Variants in CHN1 observed in about 807,000 individuals in gnomAD.
The protein encoded by CHN1 is N-chimaerin.
CHN1 carries 37 observed loss-of-function variants against 59.5 expected under a neutral mutation model. That is an observed-to-expected ratio of 0.62 (90% CI 0.48 to 0.82). The LOEUF is 0.82. Ranked by LOEUF, CHN1 falls within the 40% of genes least tolerant of loss-of-function variation. The pLI is 0.00. For synonymous variants in CHN1, 206 were observed against 200.4 expected (o/e 1.03, Z -0.24); for missense variants, 469 against 571.0 (o/e 0.82, Z 1.82).
intron 7 of CHN1, among the ~76,000 whole-genome samples, chr2:174,840,161 CTT>C (rs71407154): frequency 0.051 from 3,412 of 67,120 alleles, 54 homozygotes; most frequent in African/African-American, 0.19. Flanking sequence ...TAAAACCATT[CTT>C]TTTTTTTTTT....
At chr2:174,812,084 T>A (rs1558933486) in intron 9 of CHN1, 1 of 386,040 alleles carries the variant, frequency 2.6e-6, no homozygotes, top group Non-Finnish European at 4.6e-6. Context: ...ATAAATATAT[T>A]TTTATACAAG....
At chr2:174,862,573 C>T (rs560525843) in intron 6 of CHN1, among the ~76,000 whole-genome samples, 8 of 152,274 alleles carry the variant, frequency 5.3e-5, no homozygotes, top group African/African-American at 1.9e-4. Context: ...CCTCGTGATC[C>T]ACCTGCCTCG....
chr2:174,804,625 A>G (rs1684829928), intron 11 of CHN1, among the ~76,000 whole-genome samples: 1 of 152,196 alleles, frequency 6.6e-6, no homozygotes, highest in African/African-American at 2.4e-5. Context: ...GATTCTGGGT[A>G]TATTTTGAAG....
chr2:174,962,288 A>T (rs1364601643), intron 1 of CHN1, among the ~76,000 whole-genome samples: 1 of 151,596 alleles, frequency 6.6e-6, no homozygotes, highest in African/African-American at 2.4e-5. Context: ...CTGTCTCAAA[A>T]ACAAACAAAC....
At chr2:174,986,687 T>A (rs1691353406) in intron 1 of CHN1, among the ~76,000 whole-genome samples, 2 of 152,218 alleles carry the variant, frequency 1.3e-5, no homozygotes, top group Non-Finnish European at 2.9e-5. Flanking sequence ...GATGAAGACA[T>A]TTACAACGAT....
intron 2 of CHN1, among the ~76,000 whole-genome samples, chr2:174,950,240 CCTAT>C (rs1227301398): frequency 6.6e-6 from 1 of 151,832 alleles, no homozygotes; most frequent in Non-Finnish European, 1.5e-5. Flanking sequence ...AAAGCAATAG[CCTAT>C]CTCTCTCTTT....
At chr2:174,918,031 T>C (rs1260728228) in intron 4 of CHN1, among the ~76,000 whole-genome samples, 1 of 152,056 alleles carries the variant, frequency 6.6e-6, no homozygotes, top group Non-Finnish European at 1.5e-5. Flanking sequence ...TTCAAATCCA[T>C]TAGGAAAACA....
At chr2:174,848,371 C>CTT in intron 6 of CHN1, among the ~76,000 whole-genome samples, 1 of 148,228 alleles carries the variant, frequency 6.7e-6, no homozygotes. Flanking sequence ...AGGTGAGAGA[C>CTT]TTAGCACAAC....
chr2:174,936,744 G>A (rs545122063), intron 3 of CHN1, among the ~76,000 whole-genome samples: 12 of 152,168 alleles, frequency 7.9e-5, no homozygotes, highest in Admixed American at 5.2e-4. Flanking sequence ...GGGTAATTCT[G>A]ACTATATAAG....
intron 5 of CHN1, among the ~76,000 whole-genome samples, chr2:174,892,335 G>T (rs1688078422): frequency 6.6e-6 from 1 of 152,170 alleles, no homozygotes; most frequent in African/African-American, 2.4e-5. Flanking sequence ...TTTGTAAATG[G>T]AATTAAAGCC....
rs562952530 is a variant in CHN1 at position 174,988,219 on chromosome 2, T to A, written c.19+16675A>T. Among the ~76,000 whole-genome samples, 242 of 151,592 alleles carry A rather than the reference T, an allele frequency of 1.6e-3. 1 individual carries two copies. Among genetic ancestry groups the A allele is most frequent in the Non-Finnish European group, 2.8e-3 (187 of 67,810 alleles). On this transcript the variant is annotated intron_variant, in intron 1 of 12. Transcript: ENST00000409900. ...TAAAAATACAAAAATTAGCCGGGCA[T>A]GGTGGTGCGCGCCTGTAGTCCCAGC... is the stretch of plus-strand genomic sequence containing the variant.
chr2:174,905,851 C>T (rs1688528889), intron 5 of CHN1, among the ~76,000 whole-genome samples: 1 of 152,094 alleles, frequency 6.6e-6, no homozygotes, highest in Non-Finnish European at 1.5e-5. Context: ...AGCCACCGCG[C>T]CCAGCCAGAT....
chr2:174,874,956 C>CTGCTCATAGCACGACTTCTGCTCAT (rs1687522056), intron 6 of CHN1, among the ~76,000 whole-genome samples: 1 of 150,270 alleles, frequency 6.7e-6, no homozygotes, highest in Non-Finnish European at 1.5e-5. Flanking sequence ...TCATTGCAAC[C>CTGCTCATAGCACGACTTCTGCTCAT]TCCGCCTCCT....
intron 5 of CHN1, among the ~76,000 whole-genome samples, chr2:174,878,492 T>C: frequency 6.6e-6 from 1 of 152,200 alleles, no homozygotes; most frequent in East Asian, 1.9e-4. Flanking sequence ...ATAGATGACA[T>C]TTCTATACTA....
chr2:174,925,085 TAAAC>T (rs780617346), intron 3 of CHN1, among the ~76,000 whole-genome samples: 81 of 152,120 alleles, frequency 5.3e-4, no homozygotes, highest in South Asian at 6.2e-4. Context: ...TTTTACCACA[TAAAC>T]AAACAAACAA....
intron 5 of CHN1, among the ~76,000 whole-genome samples, chr2:174,879,528 C>T (rs1687671134): frequency 6.6e-6 from 1 of 152,274 alleles, no homozygotes; most frequent in African/African-American, 2.4e-5. Flanking sequence ...AGACACATTT[C>T]TCCCAAGTAT....
chr2:174,966,650 T>C (rs1690602142), intron 1 of CHN1, among the ~76,000 whole-genome samples: 1 of 152,222 alleles, frequency 6.6e-6, no homozygotes, highest in African/African-American at 2.4e-5. Context: ...AACAAAAAGC[T>C]ATACACAGGA....
rs148457518 is a variant in CHN1, at chr2:174,843,729, T to C, written c.627+3151A>G. Among the ~76,000 whole-genome samples, 81 of 152,076 alleles carry C rather than the reference T, an allele frequency of 5.3e-4. 1 individual carries two copies. In the East Asian group the frequency reaches 0.015, roughly 28 times the overall value. On this transcript the variant is annotated intron_variant, in intron 7 of 12. Transcript: ENST00000409900. ...AAAAAAAAACCCACTTAGGGGTATT[T>C]GTAGTAACAAAAATAGTGGCTACCA... is the stretch of plus-strand genomic sequence containing the variant.
chr2:174,975,557 C>T (rs948015758), intron 1 of CHN1, among the ~76,000 whole-genome samples: 3 of 151,878 alleles, frequency 2.0e-5, no homozygotes, highest in African/African-American at 7.3e-5. Flanking sequence ...GAAATTAACC[C>T]TCTGTACCTG....
Sources: gnomAD v4.1 joint callset for allele counts (sites outside exome capture counted in the v4.1 genomes callset) on GRCh38, gnomAD v4.1.1 for gene constraint, MANE v1.5 for transcripts, NCBI Gene and HGNC (gene_info 2026-07-23, HGNC 2026-07-21) for gene names.